The following FBXO43 variants were observed in gnomAD, a reference collection of about 807,000 sequenced individuals.
FBXO43 encodes F-box protein 43.
Under a neutral mutation model 56.7 loss-of-function variants are expected in FBXO43, and 22 were observed. The observed-to-expected ratio is 0.39, with a 90% confidence interval of 0.28 to 0.55. The LOEUF is 0.55. FBXO43 is among the 20% of genes least tolerant of loss of function. The pLI is 0.66. For synonymous variants in FBXO43, 306 were observed against 294.5 expected (o/e 1.04, Z -0.40); for missense variants, 733 against 814.9 (o/e 0.90, Z 1.22).
At chr8:100,136,169 A>C (rs1201366010) in intron 3 of FBXO43, among the ~76,000 whole-genome samples, 1 of 152,232 alleles carries the variant, frequency 6.6e-6, no homozygotes, top group Non-Finnish European at 1.5e-5. Context: ...TCCCAGAGCC[A>C]GCAGCTGCAG....
intron 1 of FBXO43, among the ~76,000 whole-genome samples, chr8:100,144,491 A>G (rs1018453140): frequency 6.6e-6 from 1 of 152,196 alleles, no homozygotes; most frequent in Non-Finnish European, 1.5e-5. Flanking sequence ...TTATTCATGT[A>G]AAATCATGGA....
upstream of FBXO43, among the ~76,000 whole-genome samples, chr8:100,148,635 A>T (rs183778990): frequency 4.4e-3 from 667 of 151,908 alleles, 5 homozygotes; most frequent in Middle Eastern, 0.051. Flanking sequence ...ATGGTCTTGA[A>T]CTCCTGACCT....
At chr8:100,146,972 C>T (rs1038679655), upstream of FBXO43, among the ~76,000 whole-genome samples, 6 of 152,278 alleles carry the variant, frequency 3.9e-5, no homozygotes, top group South Asian at 2.1e-4. Context: ...CTCAGCCTCC[C>T]GAGTAGCTGG....
intron 3 of FBXO43, chr8:100,137,054 C>CT (rs11291223): frequency 7.6e-4 from 115 of 151,274 alleles, no homozygotes; most frequent in Admixed American, 2.7e-3. Flanking sequence ...ACAAGATGTT[C>CT]TTTTTTTTTT....
chr8:100,145,116 T>C lies in FBXO43; in HGVS notation c.20A>G (p.Asp7Gly). The change falls in exon 1 of 5, where the codon GAT becomes GGT. Residue 7 changes from aspartate to glycine, a missense_variant. Transcript: ENST00000428847. ...GGCTTCCAAACAAGAAATTCTCTCA[T>C]CTTTGTCTTTAAAACTCATGCCAAA... is the stretch of plus-strand genomic sequence containing the variant. Reference protein sequence around the residue: MSFKDKDERISCLEAYV... With the variant: MSFKDKGERISCLEAYV... 6.2e-7 allele frequency: 1 copy of C among 1,611,708 alleles called. No homozygotes were observed. The highest frequency in any genetic ancestry group is 8.5e-7 in the Non-Finnish European group (1 of 1,179,048).
At position 100,133,921 on chromosome 8, in the gene FBXO43, A is replaced by G. The variant is rs1814384777; in HGVS notation, c.2008T>C (p.Leu670=). The G allele has an allele frequency of 6.2e-7, 1 of 1,614,168 alleles. No individual in the cohort carries two copies. The highest frequency in any genetic ancestry group is 8.5e-7 in the Non-Finnish European group (1 of 1,180,006). ...RTACGFDFCV[L]CLCAYHGSEE... ...GACCCATGATAAGCACACAGACATA[A>G]CACACAAAAGTCAAAACCACAGGCT... The change falls in exon 5 of 5, where the codon TTA becomes CTA. Residue 670 remains leucine, a synonymous_variant. Coordinates refer to ENST00000428847, the MANE Select transcript of FBXO43 (RefSeq NM_001029860.4).
intron 3 of FBXO43, among the ~76,000 whole-genome samples, chr8:100,136,451 G>C (rs2132122121): frequency 6.6e-6 from 1 of 152,288 alleles, no homozygotes; most frequent in East Asian, 1.9e-4. Context: ...TTGGCCTAAA[G>C]TTGAATCTAT....
At chr8:100,137,250 C>G (rs1814498267) in intron 3 of FBXO43, 1 of 174,456 alleles carries the variant, frequency 5.7e-6, no homozygotes, top group Non-Finnish European at 1.2e-5. Context: ...TTAGTAGAGA[C>G]AGGGTTTCAC....
In FBXO43 at chr8:100,142,042, G is replaced by C. The variant is rs780081840; in HGVS notation, c.212C>G (p.Ser71Cys). 3 of 1,613,786 alleles carry C rather than the reference G, an allele frequency of 1.9e-6. No individual in the cohort carries two copies. In the South Asian group the frequency reaches 3.3e-5, roughly 18 times the overall value. The change falls in exon 2 of 5, where the codon TCT becomes TGT. Residue 71 changes from serine to cysteine, a missense_variant. Transcript: ENST00000428847. ...YSTFRDFCSTSSFQDSGYNEL... is the reference protein window; with the variant it reads ...YSTFRDFCSTCSFQDSGYNEL... ...ATTGTAGCCACTATCTTGAAATGAA[G>C]ATGTGGAACAAAAATCTCTGAAGGT...
rs1412037277 is a variant in FBXO43, at chr8:100,133,696, A to G, written c.*106T>C. ...TATAATATATACAAAATAGGAAATT[A>G]ATCATCACCTGTCATTAATGGGAAG... On this transcript the variant is annotated 3_prime_UTR_variant, in exon 5 of 5. Transcript: ENST00000428847. The G allele has an allele frequency of 8.1e-7, 1 of 1,233,738 alleles. No individual in the cohort carries two copies. Among genetic ancestry groups the G allele is most frequent in the Non-Finnish European group, 1.1e-6 (1 of 898,768 alleles). 76.4% of individuals were successfully genotyped at this position (1,233,738 alleles called of 1,614,324 possible). A position where few individuals can be genotyped will look rare whatever the true frequency, so the allele number is the denominator to read the frequency against.
At chr8:100,149,781 C>T (rs1009204261), upstream of FBXO43, among the ~76,000 whole-genome samples, 1 of 152,166 alleles carries the variant, frequency 6.6e-6, no homozygotes, top group African/African-American at 2.4e-5. Flanking sequence ...AGAACGCCTA[C>T]TTCTTTCACT....
At chr8:100,136,306 C>T (rs141605902) in intron 3 of FBXO43, among the ~76,000 whole-genome samples, 1 of 152,314 alleles carries the variant, frequency 6.6e-6, no homozygotes, top group African/African-American at 2.4e-5. Flanking sequence ...CAATCTATAT[C>T]TGGGTGTTCA....
Position 100,145,162 on chromosome 8 carries a change from A to G in FBXO43, c.-27T>C. 6.3e-7 allele frequency: 1 copy of G among 1,591,712 alleles called. No individual in the cohort carries two copies. Among genetic ancestry groups the G allele is most frequent in the Non-Finnish European group, 8.6e-7 (1 of 1,168,422 alleles). On this transcript the variant is annotated 5_prime_UTR_variant, in exon 1 of 5. Coordinates refer to ENST00000428847, the MANE Select transcript of FBXO43 (RefSeq NM_001029860.4). Reference sequence around the variant, plus strand: ...CCAAAATAATGCCACTTAAAGAGGAAAACTTTAGTTTGCACAATTAATTGA... The same window carrying G: ...CCAAAATAATGCCACTTAAAGAGGAGAACTTTAGTTTGCACAATTAATTGA...
chr8:100,135,922 C>CTT lies in FBXO43; in HGVS notation c.1675-1560_1675-1559dup, dbSNP rs201498178. ...TGCCTGGCCAAATATGAGACTATTT[C>CTT]TTTTCTTTTTTTTTTTTTTGAGAAT... On this transcript the variant is annotated intron_variant, in intron 3 of 4. Transcript: ENST00000428847. 7.9e-3 allele frequency among the ~76,000 whole-genome samples: 1,182 copies of CTT among 149,224 alleles called. 23 individuals carry two copies. The highest frequency in any genetic ancestry group is 0.027 in the African/African-American group (1,088 of 40,142).
intron 1 of FBXO43, 28 bp downstream of exon 1, chr8:100,145,020 GTTC>G (rs764804996): frequency 8.1e-5 from 130 of 1,595,446 alleles, no homozygotes; most frequent in Non-Finnish European, 1.0e-4. Context: ...AAACCCAAAT[GTTC>G]TTCATTTGTT....
chr8:100,149,801 A>T (rs1197745150), upstream of FBXO43, among the ~76,000 whole-genome samples: 1 of 152,218 alleles, frequency 6.6e-6, no homozygotes, highest in African/African-American at 2.4e-5. Flanking sequence ...TAACTTTAAA[A>T]TAGTTATTAA....
chr8:100,149,306 G>C (rs148183639), upstream of FBXO43, among the ~76,000 whole-genome samples: 9 of 152,298 alleles, frequency 5.9e-5, no homozygotes, highest in Non-Finnish European at 1.3e-4. Flanking sequence ...TTCTGCACGA[G>C]AATTATCTTG....
chr8:100,133,924 C>T lies in FBXO43; in HGVS notation c.2005G>A (p.Val669Met), dbSNP rs755293572. 2.0e-5 allele frequency: 33 copies of T among 1,614,046 alleles called. No individual in the cohort carries two copies. In the Admixed American group the frequency reaches 2.3e-4, roughly 11 times the overall value. ...CCATGATAAGCACACAGACATAACA[C>T]ACAAAAGTCAAAACCACAGGCTGTT... ...SRTACGFDFC[V>M]LCLCAYHGSE... Residue 669 changes from valine (V) to methionine (M), a missense_variant, in exon 5 of 5, where the codon GTG becomes ATG. Val to Met is a conservative substitution (Grantham distance 21). Transcript: ENST00000428847.
In FBXO43 at chr8:100,134,169, A is replaced by G; in HGVS notation, c.1870T>C (p.Tyr624His). The G allele has an allele frequency of 6.2e-7, 1 of 1,613,396 alleles. No homozygotes were observed. Among genetic ancestry groups the G allele is most frequent in the Non-Finnish European group, 8.5e-7 (1 of 1,179,640 alleles). ...ACATAATAAATACTTACCTTAACAT[A>G]TTCTTCCTGTTTACTACTTAAGTGA... Reference protein sequence around the residue: ...VTHLSSKQEEYVKVAKTLFTD... With the variant: ...VTHLSSKQEEHVKVAKTLFTD... The change falls in exon 4 of 5, where the codon TAT becomes CAT. Residue 624 changes from tyrosine (Y) to histidine (H), a missense_variant. By Grantham distance (83) the Tyr-to-His change is moderately conservative (BLOSUM62 2). Coordinates refer to ENST00000428847, the MANE Select transcript of FBXO43 (RefSeq NM_001029860.4).
Sources: allele counts gnomAD v4.1 joint callset (sites outside exome capture counted in the v4.1 genomes callset), GRCh38; gene constraint gnomAD v4.1.1; transcripts MANE v1.5; gene names NCBI Gene and HGNC (gene_info 2026-07-23, HGNC 2026-07-21).